Variants in SESN2 observed in about 807,000 individuals in gnomAD.
SESN2 encodes the protein sestrin 2.
A neutral mutation model predicts 56.0 loss-of-function variants in SESN2; 42 were observed. The ratio of observed to expected loss-of-function variants is 0.75; its 90% CI spans 0.59 to 0.97. SESN2 has a LOEUF of 0.97. Ranked by LOEUF, SESN2 falls within the 50% of genes least tolerant of loss-of-function variation. The probability of loss-of-function intolerance (pLI) is 0.00; values close to 1 mark genes in which losing one functional copy is unlikely to be tolerated. For missense variants in SESN2, 507 were observed against 649.4 expected, an observed-to-expected ratio of 0.78 and a Z score of 2.38; for synonymous variants, 264 against 267.1, an observed-to-expected ratio of 0.99 and a Z score of 0.11.
intron 1 of SESN2, among the ~76,000 whole-genome samples, chr1:28,263,714 A>T (rs1458888960): frequency 6.6e-6 from 1 of 152,106 alleles, no homozygotes; most frequent in East Asian, 1.9e-4. Context: ...GCTGCTTCCC[A>T]AAGCTGTTAT....
rs1225544239 is a variant in SESN2, at chr1:28,272,452, A to G, written c.523A>G (p.Lys175Glu). 6.2e-7 allele frequency: 1 copy of G among 1,613,088 alleles called. No homozygotes were observed. The highest frequency in any genetic ancestry group is 1.7e-5 in the Admixed American group (1 of 60,002). ...GGCGCATCGGCCATGGCTCATCACCAAGGAACACATCCAGGTGCAGGGGGC... is the reference window on the plus strand; with the variant it reads ...GGCGCATCGGCCATGGCTCATCACCGAGGAACACATCCAGGTGCAGGGGGC... ...LLAHRPWLIT[K>E]EHIQALLKTG... is the part of the protein sequence containing the mutation. Residue 175 changes from lysine (K) to glutamate (E), a missense_variant, in exon 4 of 10, where the codon AAG becomes GAG. Lys to Glu is a moderately conservative substitution (Grantham distance 56). Transcript: ENST00000253063.
Position 28,261,587 on chromosome 1 carries a change from C to T in SESN2, c.90+1650C>T, listed in dbSNP as rs556030546. 2.3e-4 allele frequency among the ~76,000 whole-genome samples: 35 copies of T among 152,288 alleles called. No individual in the cohort carries two copies. The South Asian group carries it at 6.6e-3, about 29-fold the overall frequency. On this transcript the variant is annotated intron_variant, in intron 1 of 9. Coordinates refer to ENST00000253063, the MANE Select transcript of SESN2 (RefSeq NM_031459.5). The stretch of plus-strand genomic sequence containing the variant: ...TGCTATTATCAGAACGTGGCCATGG[C>T]ACGCACAGCTTTCTCCAGAGTGTCT...
intron 9 of SESN2, among the ~76,000 whole-genome samples, chr1:28,280,380 G>A (rs569505176): frequency 1.9e-4 from 29 of 152,262 alleles, no homozygotes. Context: ...CTAACTTTTT[G>A]TATTTTTAGT....
chr1:28,276,364 A>T (rs1156332487), intron 8 of SESN2, among the ~76,000 whole-genome samples: 1 of 151,864 alleles, frequency 6.6e-6, no homozygotes, highest in Non-Finnish European at 1.5e-5. Context: ...CTATAGTCCC[A>T]GGTATTCTAG....
At chr1:28,269,340 G>T (rs1455238860) in intron 2 of SESN2, 92 bp downstream of exon 2, 8 of 822,660 alleles carry the variant, frequency 9.7e-6, no homozygotes, top group Non-Finnish European at 1.5e-5. Flanking sequence ...TCTTTAAATT[G>T]CAGCTTTTAA....
intron 8 of SESN2, among the ~76,000 whole-genome samples, chr1:28,276,898 A>AATTTATTT (rs1188851601): frequency 1.0e-5 from 1 of 96,078 alleles, no homozygotes; most frequent in Non-Finnish European, 2.1e-5. Flanking sequence ...TTTTTTTTTT[A>AATTTATTT]ATTTATTTAT....
rs367960714 is a variant in SESN2 at position 28,260,040 on chromosome 1, G to A, written c.90+103G>A. Reference sequence around the variant, plus strand: ...TCGGTGTGTCCTGGGCTCGGGGAGGGAAAGCCGAGCGCGTAACCCGGGACC... The same window carrying A: ...TCGGTGTGTCCTGGGCTCGGGGAGGAAAAGCCGAGCGCGTAACCCGGGACC... On this transcript the variant is annotated intron_variant, in intron 1 of 9. Transcript: ENST00000253063. 236 of 858,888 alleles carry A rather than the reference G, an allele frequency of 2.7e-4. No homozygotes were observed. In the African/African-American group the frequency reaches 3.8e-3, roughly 14 times the overall value. The allele number at this position is 858,888 out of a possible 1,614,324, so 53.2% of individuals were successfully genotyped here. A position where few individuals can be genotyped will look rare whatever the true frequency, so the allele number is the denominator to read the frequency against.
At chr1:28,263,192 G>C (rs983619671) in intron 1 of SESN2, among the ~76,000 whole-genome samples, 1 of 152,222 alleles carries the variant, frequency 6.6e-6, no homozygotes, top group Non-Finnish European at 1.5e-5. Flanking sequence ...CAGCCGTGGA[G>C]TCAGATCTGA....
intron 8 of SESN2, among the ~76,000 whole-genome samples, chr1:28,278,523 C>T (rs563087639): frequency 2.6e-5 from 4 of 152,326 alleles, no homozygotes; most frequent in South Asian, 2.1e-4. Flanking sequence ...GCCGAGATCA[C>T]GCCATTGCAC....
chr1:28,270,542 CT>C, intron 2 of SESN2, among the ~76,000 whole-genome samples: 1 of 151,762 alleles, frequency 6.6e-6, no homozygotes, highest in Non-Finnish European at 1.5e-5. Flanking sequence ...AAGTATTGCT[CT>C]TGTCTTTTAT....
At chr1:28,277,582 A>G (rs1648096152) in intron 8 of SESN2, among the ~76,000 whole-genome samples, 1 of 152,142 alleles carries the variant, frequency 6.6e-6, no homozygotes, top group African/African-American at 2.4e-5. Context: ...ATCAGTTGCC[A>G]TTTCCTTACC....
Position 28,274,033 on chromosome 1 carries a change from T to G in SESN2, c.902-7T>G. On this transcript the variant is annotated splice_polypyrimidine_tract_variant and splice_region_variant and intron_variant, in intron 6 of 9. Coordinates refer to ENST00000253063, the MANE Select transcript of SESN2 (RefSeq NM_031459.5). ...CAGCCTCACTGTGACCTCTTTCTGG[T>G]CCTCAGCTGACATCCTGGAGCCCTC... 1.3e-6 allele frequency: 2 copies of G among 1,589,668 alleles called. No homozygotes were observed. Among genetic ancestry groups the G allele is most frequent in the Non-Finnish European group, 1.7e-6 (2 of 1,157,768 alleles).
intron 1 of SESN2, among the ~76,000 whole-genome samples, chr1:28,266,004 A>G (rs537757514): frequency 6.6e-6 from 1 of 152,284 alleles, no homozygotes; most frequent in African/African-American, 2.4e-5. Flanking sequence ...AATCCTGTTT[A>G]TCAGATTCTG....
At position 28,280,933 on chromosome 1, in the gene SESN2, C is replaced by G; in HGVS notation, c.*131C>G. On this transcript the variant is annotated 3_prime_UTR_variant, in exon 10 of 10. Transcript: ENST00000253063. ...GTGGGCTTGTGTGTGATGTGCAGTC[C>G]CGAAGCCACACCCTCCCTTTTCCTC... 4.5e-6 allele frequency: 3 copies of G among 673,106 alleles called. No homozygotes were observed. Among genetic ancestry groups the G allele is most frequent in the Non-Finnish European group, 7.9e-6 (3 of 377,568 alleles). The allele number at this position is 673,106 out of a possible 1,614,324, so 41.7% of individuals were successfully genotyped here.
chr1:28,268,509 T>C (rs1647634807), intron 1 of SESN2, among the ~76,000 whole-genome samples: 2 of 151,612 alleles, frequency 1.3e-5, no homozygotes, highest in African/African-American at 4.9e-5. Context: ...CTACTAAAAA[T>C]ATAAAATTAG....
At chr1:28,269,551 ACTAT>A (rs1320343603) in intron 2 of SESN2, among the ~76,000 whole-genome samples, 20 of 152,154 alleles carry the variant, frequency 1.3e-4, no homozygotes, top group Non-Finnish European at 2.5e-4. Context: ...AGAAGATAGA[ACTAT>A]CTATCTCATC....
Position 28,260,571 on chromosome 1 carries a change from G to A in SESN2, c.90+634G>A, listed in dbSNP as rs564596233. Among the ~76,000 whole-genome samples, 630 of 152,326 alleles carry A rather than the reference G, an allele frequency of 4.1e-3. 5 individuals carry two copies. The highest frequency in any genetic ancestry group is 0.014 in the African/African-American group (600 of 41,570). ...GCGGCGGCAGCCAAAGCTGGGGGGAGAGGGGACAACCCTGGTCGCGGCTTC... is the reference window on the plus strand; with the variant it reads ...GCGGCGGCAGCCAAAGCTGGGGGGAAAGGGGACAACCCTGGTCGCGGCTTC... On this transcript the variant is annotated intron_variant, in intron 1 of 9. Coordinates refer to ENST00000253063, the MANE Select transcript of SESN2 (RefSeq NM_031459.5).
chr1:28,261,151 C>G (rs976480670), intron 1 of SESN2, among the ~76,000 whole-genome samples: 3 of 152,148 alleles, frequency 2.0e-5, no homozygotes, highest in Non-Finnish European at 4.4e-5. Context: ...AGGAAAATCC[C>G]TGCTTTTCTC....
At position 28,259,884 on chromosome 1, in the gene SESN2, A is replaced by G. The variant is rs912006978; in HGVS notation, c.37A>G (p.Lys13Glu). Residue 13 changes from lysine (K) to glutamate (E), a missense_variant, in exon 1 of 10, where the codon AAG (lysine) becomes GAG (glutamate). Coordinates refer to ENST00000253063, the MANE Select transcript of SESN2 (RefSeq NM_031459.5). ...GGACTCCGAGTGCCGCGCAGAGCTC[A>G]AGGACTACCTGCGGTTCGCCCCGGG... is the stretch of plus-strand genomic sequence containing the variant. ...VADSECRAEL[K>E]DYLRFAPGGV... is the part of the protein sequence containing the mutation. The G allele has an allele frequency of 5.5e-6, 8 of 1,447,098 alleles. No individual in the cohort carries two copies. In the African/African-American group the frequency reaches 6.0e-5, roughly 11 times the overall value. The allele number at this position is 1,447,098 out of a possible 1,614,324, so 89.6% of individuals were successfully genotyped here.
Sources: gnomAD v4.1 joint callset for allele counts (sites outside exome capture counted in the v4.1 genomes callset) on GRCh38, gnomAD v4.1.1 for gene constraint, MANE v1.5 for transcripts, NCBI Gene and HGNC (gene_info 2026-07-23, HGNC 2026-07-21) for gene names.